Variants in MAPKBP1 observed in about 807,000 individuals in gnomAD.
The protein encoded by MAPKBP1 is mitogen-activated protein kinase-binding protein 1.
In MAPKBP1, 71 loss-of-function variants were observed where a neutral mutation model predicts 170.5. That is an observed-to-expected ratio of 0.42 (90% CI 0.34 to 0.51). MAPKBP1 has a LOEUF of 0.51. Among genes scored for constraint, MAPKBP1 ranks in the 20% least tolerant of loss-of-function variants. The pLI is 0.06. For missense variants in MAPKBP1, 1,598 were observed against 1,933.0 expected (o/e 0.83, Z 3.25); for synonymous variants, 719 against 757.9 (o/e 0.95, Z 0.84).
At chr15:41,776,392 GC>G (rs1482790045) in intron 2 of MAPKBP1, among the ~76,000 whole-genome samples, 1 of 152,228 alleles carries the variant, frequency 6.6e-6, no homozygotes, top group East Asian at 1.9e-4. Context: ...ACTTAGTTCA[GC>G]CCTGTGTTCC....
chr15:41,807,357 T>C (rs1468080894), intron 3 of MAPKBP1, among the ~76,000 whole-genome samples: 1 of 152,248 alleles, frequency 6.6e-6, no homozygotes, highest in Admixed American at 6.5e-5. Flanking sequence ...AGCAGTCTGA[T>C]GCACTACCCT....
intron 27 of MAPKBP1, 46 bp downstream of exon 27, chr15:41,822,723 C>T (rs2152084397): frequency 1.9e-6 from 3 of 1,596,898 alleles, no homozygotes; most frequent in South Asian, 1.1e-5. Context: ...GCTCTCCTCG[C>T]CTCCCAGGGC....
At position 41,815,637 on chromosome 15, in the gene MAPKBP1, T is replaced by C. The variant is rs779750168; in HGVS notation, c.1331T>C (p.Ile444Thr). 6.2e-7 allele frequency: 1 copy of C among 1,613,698 alleles called. No homozygotes were observed. The highest frequency in any genetic ancestry group is 2.2e-5 in the East Asian group (1 of 44,870). The change falls in exon 12 of 31, where the codon ATC becomes ACC. Residue 444 changes from isoleucine (I) to threonine (T), a missense_variant. Physicochemically the swap from Ile to Thr is moderately conservative, Grantham distance 89. This residue lies in a region of MAPKBP1 where 430 missense variants were observed against 617.2 expected (regional missense o/e 0.70). Transcript: ENST00000457542. ...RNILSSDLIK[I>T]IYVDGNTQAL... ...CTGTTCCACTAGGACCTCATTAAAA[T>C]CATCTATGTGGATGGGAACACCCAG...
chr15:41,799,163 C>T (rs1307577794), intron 2 of MAPKBP1, among the ~76,000 whole-genome samples: 2 of 152,130 alleles, frequency 1.3e-5, no homozygotes, highest in Admixed American at 6.6e-5. Flanking sequence ...TTTTATCTTT[C>T]ATCTCTGTGG....
intron 2 of MAPKBP1, among the ~76,000 whole-genome samples, chr15:41,793,691 C>G (rs1388850666): frequency 1.3e-5 from 2 of 152,142 alleles, no homozygotes; most frequent in Non-Finnish European, 2.9e-5. Context: ...AATCTCTGGG[C>G]TAGGTCCTGC....
intron 2 of MAPKBP1, among the ~76,000 whole-genome samples, chr15:41,781,237 G>A (rs147133495): frequency 9.9e-5 from 15 of 151,866 alleles, no homozygotes; most frequent in African/African-American, 3.4e-4. Flanking sequence ...CACCATGCCT[G>A]GCTACTTTTT....
chr15:41,788,594 G>A (rs1001750600), intron 2 of MAPKBP1, among the ~76,000 whole-genome samples: 1 of 152,216 alleles, frequency 6.6e-6, no homozygotes, highest in East Asian at 1.9e-4. Flanking sequence ...TAGGATTTCA[G>A]TATAGGGTAG....
intron 2 of MAPKBP1, among the ~76,000 whole-genome samples, chr15:41,787,486 G>A (rs191975098): frequency 1.3e-4 from 20 of 152,012 alleles, no homozygotes; most frequent in South Asian, 6.2e-4. Flanking sequence ...TCCTGCCTCC[G>A]CCTCCCGAGT....
chr15:41,805,026 G>A (rs1246177425), intron 3 of MAPKBP1, among the ~76,000 whole-genome samples: 5 of 152,142 alleles, frequency 3.3e-5, no homozygotes, highest in African/African-American at 1.2e-4. Flanking sequence ...CCACGCTCTT[G>A]TTCCTCCTGT....
intron 3 of MAPKBP1, among the ~76,000 whole-genome samples, chr15:41,807,351 G>A (rs190680603): frequency 7.2e-5 from 11 of 152,340 alleles, no homozygotes; most frequent in Admixed American, 5.2e-4. Context: ...GTTTTAAGCA[G>A]TCTGATGCAC....
In MAPKBP1 at chr15:41,826,983, T is replaced by C. The variant is rs965269878; in HGVS notation, c.*1547T>C. The C allele has an allele frequency of 6.6e-6, 1 of 152,140 alleles. No individual in the cohort carries two copies. Among genetic ancestry groups the C allele is most frequent in the African/African-American group, 2.4e-5 (1 of 41,412 alleles). The allele number at this position is 152,140 out of a possible 1,614,324, so 9.4% of individuals were successfully genotyped here. ...CCCCTTCACCCGCCCTGCTGCGCCA[T>C]AGGCAGAGGCTTATAAAGAAATGGG... On this transcript the variant is annotated 3_prime_UTR_variant, in exon 31 of 31. Coordinates refer to ENST00000457542, the MANE Select transcript of MAPKBP1 (RefSeq NM_014994.3).
chr15:41,810,459 G>A (rs1026190392), intron 3 of MAPKBP1, among the ~76,000 whole-genome samples: 3 of 151,062 alleles, frequency 2.0e-5, no homozygotes, highest in African/African-American at 7.3e-5. Flanking sequence ...GCTTATGCCT[G>A]TAATCCCAGC....
chr15:41,790,547 T>G (rs1330708839), intron 2 of MAPKBP1, among the ~76,000 whole-genome samples: 3 of 152,210 alleles, frequency 2.0e-5, no homozygotes. Flanking sequence ...CAGTGGCAAA[T>G]GCACCTTCCT....
intron 3 of MAPKBP1, among the ~76,000 whole-genome samples, chr15:41,802,864 A>T (rs1392312363): frequency 2.0e-5 from 3 of 152,170 alleles, no homozygotes; most frequent in African/African-American, 7.2e-5. Context: ...ACAAACACAC[A>T]CATTAGCCTA....
intron 2 of MAPKBP1, among the ~76,000 whole-genome samples, chr15:41,781,026 CCT>C (rs1226159424): frequency 6.6e-6 from 1 of 151,974 alleles, no homozygotes; most frequent in Admixed American, 6.6e-5. Context: ...TAAATTCCCC[CCT>C]CTCATTTTGT....
rs200211721 is a variant in MAPKBP1 at position 41,822,697 on chromosome 15, C to G, written c.3314+20C>G. The G allele has an allele frequency of 1.8e-5, 29 of 1,613,418 alleles. 1 individual carries two copies. The highest frequency in any genetic ancestry group is 8.9e-5 in the East Asian group (4 of 44,880). On this transcript the variant is annotated intron_variant, in intron 27 of 30. Transcript: ENST00000457542. ...ACTCAGGTACAGAGGCCCCCTACCCCCCAGCAGCAGCTCTGGCTCTCCTCG... is the reference window on the plus strand; with the variant it reads ...ACTCAGGTACAGAGGCCCCCTACCCGCCAGCAGCAGCTCTGGCTCTCCTCG...
Position 41,827,020 on chromosome 15 carries a change from G to A in MAPKBP1, c.*1584G>A, listed in dbSNP as rs1178275070. 6.6e-6 allele frequency: 1 copy of A among 152,336 alleles called. No individual in the cohort carries two copies. The highest frequency in any genetic ancestry group is 1.5e-5 in the Non-Finnish European group (1 of 68,146). The allele number at this position is 152,336 out of a possible 1,614,324, so 9.4% of individuals were successfully genotyped here. ...TATAAAGAAATGGGTTCTGGGCCAG[G>A]TGTGGTGGCTCAAGCCTGTAATCCC... On this transcript the variant is annotated 3_prime_UTR_variant, in exon 31 of 31. Transcript: ENST00000457542.
chr15:41,811,890 A>G, intron 5 of MAPKBP1, 67 bp from the exon 6 acceptor site: 3 of 1,556,408 alleles, frequency 1.9e-6, no homozygotes, highest in Non-Finnish European at 2.6e-6. Flanking sequence ...CCGCTCTGGA[A>G]GACGAAGTGG....
intron 7 of MAPKBP1, 104 bp downstream of exon 7, chr15:41,812,757 C>T (rs1420088741): frequency 1.4e-6 from 2 of 1,470,976 alleles, no homozygotes; most frequent in Non-Finnish European, 1.8e-6. Flanking sequence ...GCATTCCCAG[C>T]AGTCATGCAG....
Sources: allele counts gnomAD v4.1 joint callset (sites outside exome capture counted in the v4.1 genomes callset), GRCh38; gene constraint gnomAD v4.1.1; regional missense constraint gnomAD v4.1.1; transcripts MANE v1.5; gene names NCBI Gene and HGNC (gene_info 2026-07-23, HGNC 2026-07-21).